The following IRAG1 variants were observed in gnomAD, a reference collection of about 807,000 sequenced individuals.
IRAG1 encodes the protein IP3R-associated cGMP kinase substrate.
IRAG1 carries 62 observed loss-of-function variants against 106.2 expected under a neutral mutation model. The ratio of observed to expected loss-of-function variants is 0.58; its 90% confidence interval spans 0.48 to 0.72. The LOEUF (loss-of-function observed/expected upper bound fraction) is 0.72. IRAG1 is among the 30% of genes least tolerant of loss of function. The probability of loss-of-function intolerance (pLI) is 0.00; values close to 1 mark genes in which losing one functional copy is unlikely to be tolerated. For synonymous variants in IRAG1, 462 were observed against 443.9 expected (o/e 1.04, Z -0.51); for missense variants, 1,064 against 1,140.7 (o/e 0.93, Z 0.97).
intron 1 of IRAG1, chr11:10,687,755 C>A (rs1564946616): frequency 7.8e-7 from 1 of 1,288,840 alleles, no homozygotes; most frequent in African/African-American, 1.5e-5. Context: ...AAACCCAGTG[C>A]AGAAGTCTTC....
At chr11:10,627,312 G>A (rs1011629535) in intron 8 of IRAG1, among the ~76,000 whole-genome samples, 2 of 152,140 alleles carry the variant, frequency 1.3e-5, no homozygotes, top group East Asian at 1.9e-4. Flanking sequence ...AGGGTGGGGC[G>A]CTTCTGTTGC....
chr11:10,646,953 A>T (rs1858000355), intron 2 of IRAG1, among the ~76,000 whole-genome samples: 1 of 152,152 alleles, frequency 6.6e-6, no homozygotes, highest in Admixed American at 6.5e-5. Context: ...TGATTACCTG[A>T]CTGAAGGAGA....
intron 1 of IRAG1, among the ~76,000 whole-genome samples, chr11:10,654,860 C>T (rs1021322466): frequency 1.3e-5 from 2 of 152,216 alleles, no homozygotes; most frequent in African/African-American, 4.8e-5. Flanking sequence ...CCACATTGGA[C>T]AGACTTCACC....
intron 3 of IRAG1, among the ~76,000 whole-genome samples, chr11:10,633,255 G>T (rs779986575): frequency 6.8e-4 from 103 of 151,968 alleles, no homozygotes; most frequent in Admixed American, 3.1e-3. Flanking sequence ...TTCTGTATTT[G>T]TAGTAGAGAC....
At chr11:10,653,656 G>A (rs1858703240) in intron 1 of IRAG1, among the ~76,000 whole-genome samples, 1 of 152,112 alleles carries the variant, frequency 6.6e-6, no homozygotes, top group Admixed American at 6.5e-5. Flanking sequence ...TCATCTCTGA[G>A]TCCCAGTTTT....
chr11:10,646,794 T>C (rs1436803553), intron 2 of IRAG1, among the ~76,000 whole-genome samples: 2 of 152,176 alleles, frequency 1.3e-5, no homozygotes, highest in Admixed American at 1.3e-4. Context: ...GAGTGCCTCA[T>C]GCATGTGGCC....
At chr11:10,664,064 T>C (rs1220366474) in intron 1 of IRAG1, among the ~76,000 whole-genome samples, 1 of 152,170 alleles carries the variant, frequency 6.6e-6, no homozygotes, top group Non-Finnish European at 1.5e-5. Context: ...GGAGATGTTT[T>C]TTGATAGGGC....
At chr11:10,686,279 G>A (rs1251761968) in intron 1 of IRAG1, among the ~76,000 whole-genome samples, 1 of 152,174 alleles carries the variant, frequency 6.6e-6, no homozygotes, top group Non-Finnish European at 1.5e-5. Flanking sequence ...TTGTGGGGCT[G>A]GGATTTGAAC....
At chr11:10,638,975 G>A (rs986835790) in intron 2 of IRAG1, among the ~76,000 whole-genome samples, 6 of 152,156 alleles carry the variant, frequency 3.9e-5, no homozygotes, top group African/African-American at 1.2e-4. Context: ...AGGCTGGAGT[G>A]CAGTGATATG....
rs79671813 is a variant in IRAG1 at position 10,650,486 on chromosome 11, G to C, written c.225+1539C>G. On this transcript the variant is annotated intron_variant, in intron 2 of 20. Coordinates refer to ENST00000423302, the MANE Select transcript of IRAG1 (RefSeq NM_130385.4). ...CATTTTGCCTGAGAATCTGATTCAA[G>C]GGTACTACCATTGTTAGTAAAGTAG... 1.2e-3 allele frequency among the ~76,000 whole-genome samples: 184 copies of C among 152,308 alleles called. No individual in the cohort carries two copies. The East Asian group carries it at 0.018, about 15-fold the overall frequency.
At chr11:10,582,178 C>T (rs1467346359) in intron 18 of IRAG1, among the ~76,000 whole-genome samples, 192 bp from the exon 19 acceptor site, 1 of 152,186 alleles carries the variant, frequency 6.6e-6, no homozygotes, top group Non-Finnish European at 1.5e-5. Context: ...GAATTTTCCC[C>T]AGCCCATTAA....
chr11:10,626,095 C>T lies in IRAG1; in HGVS notation c.1239G>A (p.Leu413=). The change falls in exon 9 of 21, where the codon CTG becomes CTA. Residue 413 remains leucine (L), a synonymous_variant. Transcript: ENST00000423302. ...AACGCTTTTCTTCCTCTGCCAGTGG[C>T]AGCTTGGCAAGCACTTTCTGCAGCC... ...GPRLQKVLAK[L]PLAEEEKRFA... 1 of 1,545,642 alleles carries T rather than the reference C, an allele frequency of 6.5e-7. No individual in the cohort carries two copies. Among genetic ancestry groups the T allele is most frequent in the Non-Finnish European group, 8.7e-7 (1 of 1,145,748 alleles).
At chr11:10,582,394 C>T (rs539340593) in intron 18 of IRAG1, among the ~76,000 whole-genome samples, 1 of 152,220 alleles carries the variant, frequency 6.6e-6, no homozygotes, top group South Asian at 2.1e-4. Context: ...ATGACTAAGC[C>T]ACAGGCACAT....
intron 10 of IRAG1, among the ~76,000 whole-genome samples, chr11:10,618,108 C>T (rs1211467648): frequency 1.3e-5 from 2 of 152,160 alleles, no homozygotes; most frequent in Non-Finnish European, 2.9e-5. Flanking sequence ...CTCTCTGGGA[C>T]GTGTAGCTCA....
chr11:10,686,113 A>C (rs1861642779), intron 1 of IRAG1, among the ~76,000 whole-genome samples: 1 of 152,216 alleles, frequency 6.6e-6, no homozygotes, highest in African/African-American at 2.4e-5. Context: ...GGCATCCAAA[A>C]TAGAGGACTC....
chr11:10,606,800 CTG>C (rs770223836), intron 11 of IRAG1, 28 bp from the exon 12 acceptor site: 13 of 1,565,688 alleles, frequency 8.3e-6, no homozygotes, highest in Non-Finnish European at 1.1e-5. Context: ...CACAATTGAA[CTG>C]TGTGCAACCT....
chr11:10,624,670 C>T (rs752199843), intron 9 of IRAG1, among the ~76,000 whole-genome samples: 6 of 152,078 alleles, frequency 3.9e-5, no homozygotes, highest in Non-Finnish European at 8.8e-5. Context: ...AAGTGGAAGT[C>T]ATGGTCAAGG....
At chr11:10,576,899 T>A (rs1850871866) in intron 20 of IRAG1, among the ~76,000 whole-genome samples, 1 of 152,228 alleles carries the variant, frequency 6.6e-6, no homozygotes, top group African/African-American at 2.4e-5. Flanking sequence ...CATGCCCTCA[T>A]CTATTCACGG....
In IRAG1 at chr11:10,652,155, A is replaced by G. The variant is rs1412091455; in HGVS notation, c.95T>C (p.Ile32Thr). The change falls in exon 2 of 21, where the codon ATC (isoleucine) becomes ACC (threonine). Residue 32 changes from isoleucine (I) to threonine (T), a missense_variant. Coordinates refer to ENST00000423302, the MANE Select transcript of IRAG1 (RefSeq NM_130385.4). Reference protein sequence around the residue: ...LACGAQASWSIFGADAAEVPG... With the variant: ...LACGAQASWSTFGADAAEVPG... Reference sequence around the variant, plus strand: ...AACCTCCGCTGCGTCAGCCCCAAAGATGCTCCAAGAGGCCTGGGCTCCACA... The same window carrying G: ...AACCTCCGCTGCGTCAGCCCCAAAGGTGCTCCAAGAGGCCTGGGCTCCACA... The G allele has an allele frequency of 6.2e-7, 1 of 1,613,764 alleles. No homozygotes were observed. Among genetic ancestry groups the G allele is most frequent in the Non-Finnish European group, 8.5e-7 (1 of 1,179,846 alleles).
Sources: allele counts gnomAD v4.1 joint callset (sites outside exome capture counted in the v4.1 genomes callset), GRCh38; gene constraint gnomAD v4.1.1; transcripts MANE v1.5; gene names NCBI Gene and HGNC (gene_info 2026-07-23, HGNC 2026-07-21).